Variants in CDH23 observed in about 807,000 individuals in gnomAD.
The protein encoded by CDH23 is cadherin related 23.
A neutral mutation model predicts 317.1 loss-of-function variants in CDH23; 189 were observed. The ratio of observed to expected loss-of-function variants is 0.60; its 90% CI spans 0.53 to 0.67. The LOEUF (loss-of-function observed/expected upper bound fraction) is 0.67. CDH23 is among the 30% of genes least tolerant of loss of function. The pLI, the probability that CDH23 is intolerant of heterozygous loss-of-function variation, is 0.00. For missense variants in CDH23, 4,401 were observed against 4,592.4 expected (o/e 0.96, Z 1.20); for synonymous variants, 1,839 against 1,876.8 (o/e 0.98, Z 0.52).
At chr10:71,517,749 G>A (rs1854418388) in intron 6 of CDH23, among the ~76,000 whole-genome samples, 1 of 152,206 alleles carries the variant, frequency 6.6e-6, no homozygotes, top group African/African-American at 2.4e-5. Context: ...TATTGATCTG[G>A]GAGAGGGAGA....
intron 3 of CDH23, among the ~76,000 whole-genome samples, chr10:71,463,465 G>A (rs1851104793): frequency 6.6e-6 from 1 of 152,168 alleles, no homozygotes; most frequent in Non-Finnish European, 1.5e-5. Flanking sequence ...ATGGGTTGAG[G>A]GCCACCCCGC....
intron 6 of CDH23, 143 bp downstream of exon 6, chr10:71,511,355 T>C (rs1853974325): frequency 1.4e-5 from 11 of 771,510 alleles, no homozygotes; most frequent in Admixed American, 2.0e-5. Context: ...TCTGAGCAGG[T>C]TGGCGAACAT....
intron 14 of CDH23, chr10:71,646,940 G>A: frequency 1.0e-6 from 1 of 985,070 alleles, no homozygotes; most frequent in African/African-American, 1.7e-5. Context: ...GGGTGGGAAG[G>A]TGCCAGCCAT....
intron 49 of CDH23, among the ~76,000 whole-genome samples, chr10:71,797,647 G>A (rs1841437861): frequency 6.6e-6 from 1 of 152,224 alleles, no homozygotes; most frequent in Non-Finnish European, 1.5e-5. Flanking sequence ...CAAAGAATGA[G>A]GGGAGGTAAC....
intron 3 of CDH23, among the ~76,000 whole-genome samples, chr10:71,501,098 C>T (rs1853306086): frequency 6.6e-6 from 1 of 152,106 alleles, no homozygotes; most frequent in African/African-American, 2.4e-5. Context: ...GAACTCCTGA[C>T]CTGAAGTGAT....
At chr10:71,793,070 G>A (rs377109505) in intron 47 of CDH23, 112 bp from the exon 48 acceptor site, 1 of 741,882 alleles carries the variant, frequency 1.3e-6, no homozygotes, top group Admixed American at 3.0e-5. Flanking sequence ...AGAAAATGCT[G>A]TCAAGGCTGT....
At position 71,815,083 on chromosome 10, in the gene CDH23, C is replaced by A. The variant is rs370265254; in HGVS notation, c.9870C>A (p.Gly3290=). The A allele has an allele frequency of 5.0e-6, 8 of 1,611,204 alleles. No homozygotes were observed. In the East Asian group the frequency reaches 1.1e-4, roughly 22 times the overall value. The change falls in exon 70 of 70, where the codon GGC becomes GGA. Residue 3290 remains glycine (G), a synonymous_variant. Transcript: ENST00000224721. ...TCCATGTGGTGCACGGCAGCACGGGCACGCTGCTGGCCACCGACCTCAACA... is the reference window on the plus strand; with the variant it reads ...TCCATGTGGTGCACGGCAGCACGGGAACGCTGCTGGCCACCGACCTCAACA... ...DGIHVVHGST[G]TLLATDLNSL...
At chr10:71,510,639 G>A (rs1182632814) in intron 4 of CDH23, among the ~76,000 whole-genome samples, 15 of 152,066 alleles carry the variant, frequency 9.9e-5, no homozygotes. Flanking sequence ...CCCTCTCCTT[G>A]AGTTTGAGGA....
intron 22 of CDH23, among the ~76,000 whole-genome samples, chr10:71,701,106 C>T (rs74147030): frequency 3.9e-5 from 6 of 152,242 alleles, no homozygotes; most frequent in South Asian, 2.1e-4. Context: ...AATGCAGGGT[C>T]GGGGGTGAGC....
rs1564647432 is a variant in CDH23 at position 71,550,579 on chromosome 10, A to AAAAAAAG, written c.430-16158_430-16157insAGAAAAA. Among the ~76,000 whole-genome samples the AAAAAAAG allele has an allele frequency of 9.4e-3, 1,133 of 120,976 alleles. 9 individuals carry two copies. The highest frequency in any genetic ancestry group is 0.012 in the East Asian group (48 of 3,978). The allele number at this position is 120,976 out of a possible 152,430, so 79.4% of individuals were successfully genotyped here. Reference sequence around the variant, plus strand: ...TGTCTCAAAAAAAAAAAAAAAAAAGAAAAAAGAAAAAGAAAGAAAGAAAGA... The same window carrying AAAAAAAG: ...TGTCTCAAAAAAAAAAAAAAAAAAGAAAAAAAGAAAAAGAAAAAGAAAGAAAGAAAGA... On this transcript the variant is annotated intron_variant, in intron 6 of 69. Coordinates refer to ENST00000224721, the MANE Select transcript of CDH23 (RefSeq NM_022124.6).
chr10:71,570,804 C>T lies in CDH23; in HGVS notation c.639C>T (p.Thr213=), dbSNP rs1172003626. 1.2e-6 allele frequency: 2 copies of T among 1,612,584 alleles called. No homozygotes were observed. Residue 213 remains threonine, a synonymous_variant, in exon 8 of 70, where the codon ACC becomes ACT. Transcript: ENST00000224721. Reference sequence around the variant, plus strand: ...CGCTCTCTAAGGATCAAGACAAGACCAGGCCTCTGTCCACCCTGGCCAACT... The same window carrying T: ...CGCTCTCTAAGGATCAAGACAAGACTAGGCCTCTGTCCACCCTGGCCAACT... ...LTVNATDQDK[T]RPLSTLANLA...
intron 3 of CDH23, among the ~76,000 whole-genome samples, chr10:71,498,580 C>G (rs1384343178): frequency 6.6e-6 from 1 of 152,250 alleles, no homozygotes; most frequent in Non-Finnish European, 1.5e-5. Flanking sequence ...ACAGCAGTAC[C>G]AGGGACAGCA....
chr10:71,552,936 G>T (rs1026011319), intron 6 of CDH23, among the ~76,000 whole-genome samples: 1 of 152,078 alleles, frequency 6.6e-6, no homozygotes, highest in Non-Finnish European at 1.5e-5. Context: ...GCACCTGCAG[G>T]CAGAACTCAC....
chr10:71,706,910 C>A lies in CDH23; in HGVS notation c.2967C>A (p.Asn989Lys). 1 of 1,601,670 alleles carries A rather than the reference C, an allele frequency of 6.2e-7. No individual in the cohort carries two copies. ...STLTIHVLDV[N>K]DETPTFFPAV... ...TCTGCCCCGCAGTGCTGGATGTGAA[C>A]GACGAGACGCCCACCTTCTTCCCGG... Residue 989 changes from asparagine (N) to lysine (K), a missense_variant, in exon 26 of 70, where the codon AAC becomes AAA. Transcript: ENST00000224721.
chr10:71,644,071 A>G (rs960578907), intron 12 of CDH23, among the ~76,000 whole-genome samples: 3 of 152,256 alleles, frequency 2.0e-5, no homozygotes, highest in African/African-American at 7.2e-5. Flanking sequence ...GGCTTCAGCT[A>G]TTAGTGCCCC....
chr10:71,530,545 G>T (rs762931978), intron 6 of CDH23, among the ~76,000 whole-genome samples: 1 of 152,230 alleles, frequency 6.6e-6, no homozygotes, highest in Non-Finnish European at 1.5e-5. Flanking sequence ...GGCATCGGGG[G>T]GCAGGTGTGT....
chr10:71,489,050 A>C (rs1852504171), intron 3 of CDH23, among the ~76,000 whole-genome samples: 1 of 152,212 alleles, frequency 6.6e-6, no homozygotes, highest in African/African-American at 2.4e-5. Context: ...AAGTTTTACT[A>C]TGACCTATCT....
intron 3 of CDH23, among the ~76,000 whole-genome samples, chr10:71,486,684 G>A (rs889202898): frequency 5.3e-5 from 8 of 152,168 alleles, no homozygotes; most frequent in Admixed American, 1.3e-4. Flanking sequence ...AGTAGGGGGC[G>A]CAGCTGGACC....
chr10:71,538,259 A>G (rs764189655), intron 6 of CDH23, among the ~76,000 whole-genome samples: 5 of 152,224 alleles, frequency 3.3e-5, no homozygotes. Context: ...CACAGTCTCC[A>G]GCATGTGTTA....
Sources: gnomAD v4.1 joint callset for allele counts (sites outside exome capture counted in the v4.1 genomes callset) on GRCh38, gnomAD v4.1.1 for gene constraint, MANE v1.5 for transcripts, NCBI Gene and HGNC (gene_info 2026-07-23, HGNC 2026-07-21) for gene names.